The following SGCD variants were observed in gnomAD, a reference collection of about 807,000 sequenced individuals.
SGCD encodes the protein delta-sarcoglycan.
In SGCD, 18 loss-of-function variants were observed where a neutral mutation model predicts 36.6. The observed-to-expected ratio is 0.49, with a 90% CI of 0.34 to 0.73. SGCD has a LOEUF of 0.73. SGCD is among the 30% of genes least tolerant of loss of function. The pLI is 0.01. For synonymous variants in SGCD, 133 were observed against 130.6 expected (o/e 1.02, Z -0.12); for missense variants, 387 against 346.7 (o/e 1.12, Z -0.92).
intron 1 of SGCD, among the ~76,000 whole-genome samples, chr5:156,087,051 G>A (rs1018517778): frequency 1.2e-4 from 18 of 152,182 alleles, no homozygotes; most frequent in Non-Finnish European, 2.2e-4. Context: ...CTCTGGGAAA[G>A]TCTATCTTGC....
intron 8 of SGCD, among the ~76,000 whole-genome samples, chr5:156,758,441 G>A (rs543488475): frequency 1.8e-4 from 28 of 151,736 alleles, no homozygotes; most frequent in South Asian, 4.2e-4. Context: ...CAATGAGAGA[G>A]GTTATCAGTC....
chr5:156,000,802 A>C (rs994409106), intron 1 of SGCD, among the ~76,000 whole-genome samples: 1 of 150,596 alleles, frequency 6.6e-6, no homozygotes, highest in Non-Finnish European at 1.5e-5. Flanking sequence ...CCTCACACAT[A>C]TATATATATA....
At chr5:156,686,464 G>A (rs561160926) in intron 7 of SGCD, among the ~76,000 whole-genome samples, 1 of 152,278 alleles carries the variant, frequency 6.6e-6, no homozygotes, top group Admixed American at 6.5e-5. Context: ...TTTGTGATTA[G>A]CACAAACACT....
chr5:156,626,254 T>C (rs992085698), intron 6 of SGCD, among the ~76,000 whole-genome samples: 1 of 152,232 alleles, frequency 6.6e-6, no homozygotes, highest in Non-Finnish European at 1.5e-5. Context: ...TTTTGTGCCC[T>C]GCATCCCCTT....
At chr5:155,746,214 T>A in the SGCD span, among the ~76,000 whole-genome samples, 1 of 152,152 alleles carries the variant, frequency 6.6e-6, no homozygotes, top group Non-Finnish European at 1.5e-5. Context: ...TATTGGATAA[T>A]AATAAGTAAA....
At chr5:156,409,365 T>G (rs915884506) in intron 3 of SGCD, among the ~76,000 whole-genome samples, 2 of 152,210 alleles carry the variant, frequency 1.3e-5, no homozygotes, top group African/African-American at 4.8e-5. Context: ...ATTCTTTTTG[T>G]TCTGTCCTAA....
At chr5:156,544,207 G>T (rs1179912536) in intron 4 of SGCD, among the ~76,000 whole-genome samples, 3 of 152,236 alleles carry the variant, frequency 2.0e-5, no homozygotes, top group Middle Eastern at 3.4e-3. Context: ...CCTTTCCCTA[G>T]TTGGGAAAAT....
intron 3 of SGCD, among the ~76,000 whole-genome samples, chr5:156,260,948 T>C (rs926277876): frequency 2.0e-5 from 3 of 152,266 alleles, no homozygotes; most frequent in African/African-American, 7.2e-5. Context: ...TTCATTGTAT[T>C]AATGTGATGT....
chr5:156,333,124 T>C lies in SGCD; in HGVS notation c.3+3545T>C, dbSNP rs74798556. 1.7e-3 allele frequency among the ~76,000 whole-genome samples: 261 copies of C among 152,342 alleles called. 3 individuals are homozygous for C. The highest frequency in any genetic ancestry group is 6.1e-3 in the African/African-American group (254 of 41,576). Reference sequence around the variant, plus strand: ...AGCATTTCCTTTCCTACCACAGGTTTCATTGCAAGCATTTGAGAGCGCAGG... The same window carrying C: ...AGCATTTCCTTTCCTACCACAGGTTCCATTGCAAGCATTTGAGAGCGCAGG... On this transcript the variant is annotated intron_variant, in intron 2 of 8. Transcript: ENST00000337851.
the SGCD span, among the ~76,000 whole-genome samples, chr5:155,853,795 T>C: frequency 6.6e-6 from 1 of 152,326 alleles, no homozygotes; most frequent in East Asian, 1.9e-4. Flanking sequence ...ACTACATTTC[T>C]GACCTTAGTT....
intron 7 of SGCD, among the ~76,000 whole-genome samples, chr5:156,724,618 A>G (rs1755681336): frequency 1.3e-5 from 2 of 152,140 alleles, no homozygotes; most frequent in Admixed American, 6.5e-5. Context: ...AAAAAAAAAA[A>G]AGAAAGAAAA....
At chr5:156,258,000 A>G (rs1451484683) in intron 3 of SGCD, among the ~76,000 whole-genome samples, 1 of 152,202 alleles carries the variant, frequency 6.6e-6, no homozygotes, top group African/African-American at 2.4e-5. Context: ...TTTGAGTTAC[A>G]AGCTGAACCA....
At chr5:155,979,904 G>C (rs1161292769) in intron 1 of SGCD, among the ~76,000 whole-genome samples, 1 of 152,158 alleles carries the variant, frequency 6.6e-6, no homozygotes, top group Non-Finnish European at 1.5e-5. Context: ...ACATTCATAT[G>C]CTGAGATTCC....
At chr5:156,660,494 AAC>A (rs1719696584) in intron 7 of SGCD, among the ~76,000 whole-genome samples, 1 of 152,224 alleles carries the variant, frequency 6.6e-6, no homozygotes, top group Non-Finnish European at 1.5e-5. Context: ...CTCCTGGTGA[AAC>A]ACAAGCAAAA....
At chr5:156,369,084 T>C (rs888723216) in intron 3 of SGCD, among the ~76,000 whole-genome samples, 1 of 152,158 alleles carries the variant, frequency 6.6e-6, no homozygotes, top group Non-Finnish European at 1.5e-5. Context: ...TAAGTGTCTG[T>C]GGAAGCCTGT....
chr5:156,671,799 G>A (rs923351162), intron 7 of SGCD, among the ~76,000 whole-genome samples: 10 of 152,176 alleles, frequency 6.6e-5, no homozygotes, highest in African/African-American at 2.4e-4. Flanking sequence ...TGTGTAAGAA[G>A]CATGGCACTG....
At chr5:156,334,405 T>C (rs545286618) in intron 2 of SGCD, among the ~76,000 whole-genome samples, 1 of 152,306 alleles carries the variant, frequency 6.6e-6, no homozygotes, top group Admixed American at 6.5e-5. Flanking sequence ...CCCAAGGGCA[T>C]TCAGTTCACA....
intron 3 of SGCD, among the ~76,000 whole-genome samples, chr5:156,498,262 C>CA (rs34586524): frequency 0.084 from 8,636 of 102,798 alleles, 865 homozygotes; most frequent in African/African-American, 0.26. Flanking sequence ...ATTTCTCTTA[C>CA]AAAAAAAAAA....
intron 7 of SGCD, among the ~76,000 whole-genome samples, chr5:156,700,803 T>C (rs1419024672): frequency 2.0e-5 from 3 of 151,836 alleles, no homozygotes; most frequent in Non-Finnish European, 4.4e-5. Context: ...ATTAGCCAGG[T>C]GTAGTGGCAC....
Sources: allele counts gnomAD v4.1 joint callset (sites outside exome capture counted in the v4.1 genomes callset), GRCh38; gene constraint gnomAD v4.1.1; transcripts MANE v1.5; gene names NCBI Gene and HGNC (gene_info 2026-07-23, HGNC 2026-07-21).